The following STAG1 variants were observed in gnomAD, a reference collection of about 807,000 sequenced individuals.
STAG1 encodes the protein cohesin subunit SA-1.
A neutral mutation model predicts 170.9 loss-of-function variants in STAG1; 26 were observed. That is an observed-to-expected ratio of 0.15 (90% CI 0.11 to 0.21). The LOEUF (loss-of-function observed/expected upper bound fraction) is 0.21, where lower values mean the gene tolerates loss of function less well. Among genes scored for constraint, STAG1 ranks in the 10% least tolerant of loss-of-function variants. The probability of loss-of-function intolerance (pLI) is 1.00; values close to 1 mark genes in which losing one functional copy is unlikely to be tolerated. For synonymous variants in STAG1, 514 were observed against 497.7 expected, an observed-to-expected ratio of 1.03 and a Z score of -0.44; for missense variants, 964 against 1,509.5, an observed-to-expected ratio of 0.64 and a Z score of 5.99.
chr3:136,351,206 G>T (rs1936422299), intron 28 of STAG1, among the ~76,000 whole-genome samples: 1 of 150,520 alleles, frequency 6.6e-6, no homozygotes, highest in Non-Finnish European at 1.5e-5. Flanking sequence ...TCACAGCATT[G>T]GAAGAATGCT....
At chr3:136,716,263 C>T (rs1943538792) in intron 1 of STAG1, among the ~76,000 whole-genome samples, 1 of 151,858 alleles carries the variant, frequency 6.6e-6, no homozygotes, top group Admixed American at 6.6e-5. Flanking sequence ...TCAAAACCAG[C>T]CTGACTAACA....
chr3:136,461,695 A>G (rs1293972976), intron 13 of STAG1, among the ~76,000 whole-genome samples: 1 of 152,096 alleles, frequency 6.6e-6, no homozygotes, highest in Non-Finnish European at 1.5e-5. Context: ...AAAAGGAAAA[A>G]CAGACAAATG....
chr3:136,427,089 T>C (rs1383732692), intron 16 of STAG1, among the ~76,000 whole-genome samples: 1 of 144,230 alleles, frequency 6.9e-6, no homozygotes, highest in Non-Finnish European at 1.5e-5. Flanking sequence ...ATTAGTGGGA[T>C]GTGGTGGCAA....
intron 12 of STAG1, among the ~76,000 whole-genome samples, chr3:136,466,614 C>A (rs986984524): frequency 9.2e-5 from 14 of 152,156 alleles, no homozygotes; most frequent in Non-Finnish European, 1.5e-5. Flanking sequence ...CCCAATCTAG[C>A]AAGGCAGGCC....
At chr3:136,468,317 A>C (rs551259137) in intron 12 of STAG1, among the ~76,000 whole-genome samples, 26 of 152,206 alleles carry the variant, frequency 1.7e-4, no homozygotes, top group Non-Finnish European at 3.4e-4. Context: ...AAAAAGGATA[A>C]AGGGGATATC....
At chr3:136,716,296 T>TA (rs1026754412) in intron 1 of STAG1, among the ~76,000 whole-genome samples, 34 of 149,548 alleles carry the variant, frequency 2.3e-4, no homozygotes, top group East Asian at 1.6e-3. Flanking sequence ...CCACCTCTAC[T>TA]AAAAAAAAAT....
chr3:136,362,605 C>CAAAAAAAAAA (rs1237413699), intron 26 of STAG1, among the ~76,000 whole-genome samples: 251 of 37,634 alleles, frequency 6.7e-3, no homozygotes, highest in East Asian at 0.012. Flanking sequence ...ATCATCTCTG[C>CAAAAAAAAAA]AAAAAAAAAA....
chr3:136,688,827 G>A (rs1353317710), intron 1 of STAG1, among the ~76,000 whole-genome samples: 2 of 152,176 alleles, frequency 1.3e-5, no homozygotes, highest in African/African-American at 4.8e-5. Flanking sequence ...AAAGATGAAA[G>A]TTTGTGAGCC....
At chr3:136,496,764 G>A (rs1452508125) in intron 9 of STAG1, among the ~76,000 whole-genome samples, 2 of 151,920 alleles carry the variant, frequency 1.3e-5, no homozygotes, top group African/African-American at 4.8e-5. Flanking sequence ...AACCCAAAGT[G>A]AGCAGATGAA....
intron 1 of STAG1, among the ~76,000 whole-genome samples, chr3:136,709,884 A>G (rs1388380596): frequency 6.6e-6 from 1 of 151,804 alleles, no homozygotes; most frequent in Non-Finnish European, 1.5e-5. Flanking sequence ...AAAATACAAA[A>G]ATTAGCTGGG....
chr3:136,693,144 G>A (rs954262050), intron 1 of STAG1, among the ~76,000 whole-genome samples: 2 of 152,194 alleles, frequency 1.3e-5, no homozygotes, highest in African/African-American at 2.4e-5. Flanking sequence ...TAAATGAGCT[G>A]AAGCAGATTT....
rs1337922156 is a variant in STAG1, at chr3:136,670,434, A to T, written c.-83-39453T>A. 2.6e-5 allele frequency among the ~76,000 whole-genome samples: 4 copies of T among 152,196 alleles called. No homozygotes were observed. In the East Asian group the frequency reaches 7.7e-4, roughly 29 times the overall value. On this transcript the variant is annotated intron_variant, in intron 1 of 33. Coordinates refer to ENST00000383202, the MANE Select transcript of STAG1 (RefSeq NM_005862.3). ...AGTACAATCATTTTATAAGAAAAGA[A>T]CCAAAAAAACTAGTATTTTTCATTT...
intron 5 of STAG1, 62 bp downstream of exon 5, chr3:136,568,703 G>C: frequency 1.7e-6 from 2 of 1,181,600 alleles, no homozygotes; most frequent in Non-Finnish European, 2.5e-6. Flanking sequence ...GGCAGGTGAA[G>C]TAAAAGTCAC....
At chr3:136,737,053 G>C in intron 1 of STAG1, 5 of 1,350,748 alleles carry the variant, frequency 3.7e-6, no homozygotes, top group Non-Finnish European at 5.3e-6. Flanking sequence ...TTCAGGATCT[G>C]AAGAACCTCA....
intron 1 of STAG1, among the ~76,000 whole-genome samples, chr3:136,723,069 T>G (rs1933397393): frequency 6.6e-6 from 1 of 152,210 alleles, no homozygotes; most frequent in South Asian, 2.1e-4. Context: ...CCGCCTGCCT[T>G]GGCCTCCCAA....
intron 3 of STAG1, among the ~76,000 whole-genome samples, chr3:136,615,554 A>G (rs9850527): frequency 1 from 151,711 of 151,752 alleles, 75,835 homozygotes; most frequent in Middle Eastern, 1. Context: ...CGAGGCAGGC[A>G]GATCACGAGG....
chr3:136,564,311 G>A (rs1055464288), intron 5 of STAG1, among the ~76,000 whole-genome samples: 1 of 152,086 alleles, frequency 6.6e-6, no homozygotes, highest in African/African-American at 2.4e-5. Flanking sequence ...GATATTCCTG[G>A]ATACCTTTAC....
chr3:136,672,877 A>G (rs1942021173), intron 1 of STAG1, among the ~76,000 whole-genome samples: 1 of 152,216 alleles, frequency 6.6e-6, no homozygotes, highest in African/African-American at 2.4e-5. Context: ...CAGAAGAAAA[A>G]TTACTATTAT....
At chr3:136,351,016 T>A (rs565642865) in intron 28 of STAG1, among the ~76,000 whole-genome samples, 1 of 152,306 alleles carries the variant, frequency 6.6e-6, no homozygotes, top group African/African-American at 2.4e-5. Flanking sequence ...TCTTACAACA[T>A]ATATGTATAT....
Sources: allele counts gnomAD v4.1 joint callset (sites outside exome capture counted in the v4.1 genomes callset), GRCh38; gene constraint gnomAD v4.1.1; transcripts MANE v1.5; gene names NCBI Gene and HGNC (gene_info 2026-07-23, HGNC 2026-07-21).